Variants in DAB1 observed in about 807,000 individuals in gnomAD.
DAB1 encodes the protein disabled homolog 1.
In DAB1, 15 loss-of-function variants were observed where a neutral mutation model predicts 64.6. The observed-to-expected ratio is 0.23, with a 90% confidence interval of 0.16 to 0.36. The LOEUF (loss-of-function observed/expected upper bound fraction) is 0.36, where lower values mean the gene tolerates loss of function less well. DAB1 is among the 10% of genes least tolerant of loss of function. The probability of loss-of-function intolerance (pLI) is 1.00; values close to 1 mark genes in which losing one functional copy is unlikely to be tolerated. For synonymous variants in DAB1, 235 were observed against 251.9 expected (o/e 0.93, Z 0.64); for missense variants, 596 against 706.7 (o/e 0.84, Z 1.78).
rs190388300 is a variant in DAB1 at position 57,329,758 on chromosome 1, C to A, written c.-136-38592G>T. Among the ~76,000 whole-genome samples the A allele has an allele frequency of 4.3e-4, 65 of 151,824 alleles. 2 individuals carry two copies. Among genetic ancestry groups the A allele is most frequent in the Admixed American group, 4.3e-3 (65 of 15,256 alleles). On this transcript the variant is annotated intron_variant, in intron 1 of 14. Transcript: ENST00000371236. ...GTTGGGTCACAGCTCAGAAGACACT[C>A]AGAACTGCAGAGGAAGATTCCTGAC...
At chr1:57,856,108 G>T (rs1653741407) in intron 1 of DAB1, among the ~76,000 whole-genome samples, 1 of 152,196 alleles carries the variant, frequency 6.6e-6, no homozygotes, top group South Asian at 2.1e-4. Flanking sequence ...TCAGCAGAGA[G>T]TCGGTATCCA....
intron 2 of DAB1, among the ~76,000 whole-genome samples, chr1:57,242,859 G>T (rs1160379438): frequency 6.6e-6 from 1 of 152,142 alleles, no homozygotes; most frequent in Non-Finnish European, 1.5e-5. Flanking sequence ...AGAACTGTTT[G>T]TAGACAGTCT....
At chr1:57,558,699 T>TA (rs1645017659) in intron 7 of DAB1, among the ~76,000 whole-genome samples, 1 of 152,170 alleles carries the variant, frequency 6.6e-6, no homozygotes, top group South Asian at 2.1e-4. Flanking sequence ...CTTGGGGAGT[T>TA]AAAAAACATT....
chr1:57,210,315 AAGAT>A (rs1425537718), intron 2 of DAB1, among the ~76,000 whole-genome samples: 6 of 152,352 alleles, frequency 3.9e-5, no homozygotes, highest in Admixed American at 2.6e-4. Context: ...AAAGGACAAT[AAGAT>A]AGAACAGTCA....
At chr1:57,913,367 G>C (rs1459012194) in intron 5 of DAB1, among the ~76,000 whole-genome samples, 1 of 152,174 alleles carries the variant, frequency 6.6e-6, no homozygotes, top group Non-Finnish European at 1.5e-5. Context: ...TTAATAAATG[G>C]TGCTGGGAAA....
rs535899648 is a variant in DAB1, at chr1:57,214,761, A to G, written c.68-69332T>C. ...CTGTCTTTACTAAAAATACAAAAAT[A>G]TTAGCCAGACGTGGTGGCGGGCACC... is the stretch of plus-strand genomic sequence containing the variant. On this transcript the variant is annotated intron_variant, in intron 2 of 14. Transcript: ENST00000371236. 3.9e-5 allele frequency among the ~76,000 whole-genome samples: 6 copies of G among 151,950 alleles called. No individual in the cohort carries two copies. In the South Asian group the frequency reaches 1.0e-3, roughly 26 times the overall value.
chr1:58,140,292 T>G (rs1211174484), intron 5 of DAB1, among the ~76,000 whole-genome samples: 1 of 152,200 alleles, frequency 6.6e-6, no homozygotes, highest in Non-Finnish European at 1.5e-5. Flanking sequence ...TCCTTGGCAC[T>G]GACATCAAAG....
At chr1:58,526,272 G>A (rs371920703) in intron 2 of DAB1, among the ~76,000 whole-genome samples, 1 of 152,000 alleles carries the variant, frequency 6.6e-6, no homozygotes, top group African/African-American at 2.4e-5. Context: ...AACATTCAAA[G>A]AACTGATTTT....
intron 2 of DAB1, among the ~76,000 whole-genome samples, chr1:57,148,048 C>T (rs1178362991): frequency 6.6e-6 from 1 of 152,146 alleles, no homozygotes; most frequent in African/African-American, 2.4e-5. Flanking sequence ...CCAAAACTCA[C>T]CTGGCCCAAA....
chr1:57,648,099 C>T (rs1256310228), intron 7 of DAB1, among the ~76,000 whole-genome samples: 1 of 152,160 alleles, frequency 6.6e-6, no homozygotes, highest in Non-Finnish European at 1.5e-5. Flanking sequence ...TTTGTCTTCC[C>T]AAATTCACTC....
chr1:57,071,430 T>C (rs1651448633), intron 6 of DAB1, 92 bp downstream of exon 6: 1 of 1,426,758 alleles, frequency 7.0e-7, no homozygotes, highest in Non-Finnish European at 9.5e-7. Flanking sequence ...TATTTCTACT[T>C]GGCAGCAGGA....
At chr1:57,777,542 G>C (rs1485145377) in intron 6 of DAB1, among the ~76,000 whole-genome samples, 2 of 151,308 alleles carry the variant, frequency 1.3e-5, no homozygotes, top group Admixed American at 1.3e-4. Flanking sequence ...CTTTTCTTTT[G>C]CAGTTTTTAA....
At chr1:57,525,199 CAG>C (rs1175021859) in intron 7 of DAB1, among the ~76,000 whole-genome samples, 6 of 152,038 alleles carry the variant, frequency 3.9e-5, no homozygotes, top group Non-Finnish European at 8.8e-5. Context: ...ACCAAGGAAA[CAG>C]AAAATCAGTA....
intron 9 of DAB1, among the ~76,000 whole-genome samples, chr1:57,034,805 G>C (rs1024386817): frequency 1.3e-5 from 2 of 152,196 alleles, no homozygotes; most frequent in Non-Finnish European, 2.9e-5. Context: ...GGCAATGCAG[G>C]AGTGGGAAAA....
At chr1:58,132,611 CCTGAAGGAG>C (rs1653690920) in intron 5 of DAB1, among the ~76,000 whole-genome samples, 2 of 152,184 alleles carry the variant, frequency 1.3e-5, no homozygotes, top group South Asian at 4.1e-4. Flanking sequence ...AACTGCCACC[CCTGAAGGAG>C]CTGAAGGAGC....
At chr1:57,419,040 G>GT (rs1459585033) in intron 1 of DAB1, among the ~76,000 whole-genome samples, 9 of 152,164 alleles carry the variant, frequency 5.9e-5, no homozygotes, top group Non-Finnish European at 5.9e-5. Flanking sequence ...TCAGTTCAGT[G>GT]TGAGTTTTCA....
At chr1:58,361,863 C>CTTTTTTTTTTTTTTTT (rs34029239) in intron 3 of DAB1, among the ~76,000 whole-genome samples, 1 of 84,022 alleles carries the variant, frequency 1.2e-5, no homozygotes, top group African/African-American at 4.8e-5. Context: ...AAAGATCCCC[C>CTTTTTTTTTTTTTTTT]TTTTTTTTTT....
At chr1:57,219,264 A>AACACAC (rs60049165) in intron 2 of DAB1, among the ~76,000 whole-genome samples, 1,629 of 149,634 alleles carry the variant, frequency 0.011, 31 homozygotes, top group African/African-American at 0.035. Flanking sequence ...GAGGCATTTC[A>AACACAC]ACACACACAC....
chr1:57,137,981 G>C (rs1658275261), intron 3 of DAB1, among the ~76,000 whole-genome samples: 1 of 152,066 alleles, frequency 6.6e-6, no homozygotes, highest in Admixed American at 6.6e-5. Context: ...ACTTCCTCCA[G>C]TGTAAAATCC....
Sources: allele counts gnomAD v4.1 joint callset (sites outside exome capture counted in the v4.1 genomes callset), GRCh38; gene constraint gnomAD v4.1.1; transcripts MANE v1.5; gene names NCBI Gene and HGNC (gene_info 2026-07-23, HGNC 2026-07-21).